The following ACSL1 variants were observed in gnomAD, a reference collection of about 807,000 sequenced individuals.
The protein encoded by ACSL1 is acyl-CoA synthetase long chain family member 1.
Under a neutral mutation model 98.4 loss-of-function variants are expected in ACSL1, and 41 were observed. The observed-to-expected ratio is 0.42, with a 90% CI of 0.32 to 0.54. ACSL1 has a LOEUF of 0.54. Ranked by LOEUF, ACSL1 falls within the 20% of genes least tolerant of loss-of-function variation. ACSL1 has a pLI of 0.13. For missense variants in ACSL1, 734 were observed against 883.1 expected (o/e 0.83, Z 2.14); for synonymous variants, 316 against 322.7 (o/e 0.98, Z 0.22).
chr4:184,791,384 G>A (rs1029474867), intron 2 of ACSL1, among the ~76,000 whole-genome samples: 5 of 152,200 alleles, frequency 3.3e-5, no homozygotes, highest in Admixed American at 1.3e-4. Flanking sequence ...ACAGAAGCAA[G>A]CCTGAAATCT....
chr4:184,781,001 G>A lies in ACSL1; in HGVS notation c.376-568C>T, dbSNP rs1766153135. ...CGCCTATAATCCCAGCACTTTGGGAGGCCGAGGCAGGCAGATCACTTGAGG... is the reference window on the plus strand; with the variant it reads ...CGCCTATAATCCCAGCACTTTGGGAAGCCGAGGCAGGCAGATCACTTGAGG... On this transcript the variant is annotated intron_variant, in intron 4 of 20. Coordinates refer to ENST00000281455, the MANE Select transcript of ACSL1 (RefSeq NM_001995.5). Among the ~76,000 whole-genome samples the A allele has an allele frequency of 2.1e-5, 3 of 140,592 alleles. No homozygotes were observed. The South Asian group carries it at 6.6e-4, about 31-fold the overall frequency. 92.2% of individuals were successfully genotyped at this position (140,592 alleles called of 152,430 possible). A position where few individuals can be genotyped will look rare whatever the true frequency, so the allele number is the denominator to read the frequency against.
intron 2 of ACSL1, among the ~76,000 whole-genome samples, chr4:184,796,193 C>T (rs1769331003): frequency 6.6e-6 from 1 of 152,196 alleles, no homozygotes; most frequent in East Asian, 1.9e-4. Context: ...CATCTTTCTC[C>T]CGTGCTGGAT....
intron 5 of ACSL1, among the ~76,000 whole-genome samples, chr4:184,778,316 G>A (rs966736973): frequency 6.6e-6 from 1 of 152,228 alleles, no homozygotes; most frequent in Admixed American, 6.5e-5. Flanking sequence ...CACTTGGCCT[G>A]GAACTAGGCT....
intron 7 of ACSL1, among the ~76,000 whole-genome samples, chr4:184,775,920 C>T (rs1218857223): frequency 2.0e-5 from 3 of 152,204 alleles, no homozygotes; most frequent in Admixed American, 2.0e-4. Context: ...TATCATCTGA[C>T]ATCAAGCACC....
At chr4:184,792,431 A>G (rs1305737658) in intron 2 of ACSL1, among the ~76,000 whole-genome samples, 1 of 151,462 alleles carries the variant, frequency 6.6e-6, no homozygotes, top group Non-Finnish European at 1.5e-5. Context: ...ACACATTCTA[A>G]TAATGAATTA....
intron 12 of ACSL1, among the ~76,000 whole-genome samples, chr4:184,767,283 C>CAAA (rs59005386): frequency 3.1e-5 from 3 of 95,580 alleles, no homozygotes; most frequent in Non-Finnish European, 6.1e-5. Context: ...GACCCTGTCT[C>CAAA]AAAAAAAAAA....
At chr4:184,794,096 A>T (rs1186741314) in intron 2 of ACSL1, among the ~76,000 whole-genome samples, 2 of 152,252 alleles carry the variant, frequency 1.3e-5, no homozygotes, top group Non-Finnish European at 2.9e-5. Flanking sequence ...ATTTCCATGG[A>T]ATATTTTTAA....
chr4:184,815,190 G>A (rs1026701875), intron 1 of ACSL1: 1 of 443,004 alleles, frequency 2.3e-6, no homozygotes, highest in Non-Finnish European at 4.6e-6. Flanking sequence ...AGAGCTGAGG[G>A]TGGAACCAGG....
At chr4:184,767,783 T>G (rs1276508780) in intron 12 of ACSL1, among the ~76,000 whole-genome samples, 1 of 152,238 alleles carries the variant, frequency 6.6e-6, no homozygotes, top group African/African-American at 2.4e-5. Context: ...CCCTCGCGCC[T>G]GGCCCTGGCT....
intron 4 of ACSL1, 48 bp downstream of exon 4, chr4:184,783,879 C>T (rs1283110260): frequency 1.3e-6 from 2 of 1,536,636 alleles, no homozygotes; most frequent in African/African-American, 1.4e-5. Context: ...TACAGAAGCA[C>T]CCCTGCTTGC....
At position 184,825,876 on chromosome 4, in the gene ACSL1, C is replaced by T. The variant is rs1773446581; in HGVS notation, c.-33+40G>A. 6.7e-6 allele frequency: 1 copy of T among 148,626 alleles called. No individual in the cohort carries two copies. The highest frequency in any genetic ancestry group is 1.5e-5 in the Non-Finnish European group (1 of 66,586). The allele number at this position is 148,626 out of a possible 1,614,324, so 9.2% of individuals were successfully genotyped here. ...GCCTCGGCCGGGGCCCGGGCACCGC[C>T]GCGGGAGCAGGCGCGGCTCCGCACG... On this transcript the variant is annotated intron_variant, in intron 1 of 20. Transcript: ENST00000281455. This position sits in a 1 kb window ranked among gnomAD's most constrained non-coding sequence, Gnocchi z 4.7.
chr4:184,784,438 T>C (rs972694218), intron 3 of ACSL1, among the ~76,000 whole-genome samples: 2 of 152,216 alleles, frequency 1.3e-5, no homozygotes, highest in African/African-American at 4.8e-5. Context: ...TAATTCTTTA[T>C]GTGTCCAAAT....
intron 2 of ACSL1, among the ~76,000 whole-genome samples, chr4:184,792,333 A>T (rs1768526936): frequency 6.6e-6 from 1 of 152,234 alleles, no homozygotes; most frequent in Non-Finnish European, 1.5e-5. Context: ...ACATAACTGT[A>T]ATTTCAAGAA....
chr4:184,769,539 C>G (rs1257896068), intron 11 of ACSL1, among the ~76,000 whole-genome samples: 1 of 152,214 alleles, frequency 6.6e-6, no homozygotes, highest in African/African-American at 2.4e-5. Flanking sequence ...TCGTTAGGTA[C>G]AGCAACTCAT....
At chr4:184,818,518 C>G (rs1772809257) in intron 1 of ACSL1, among the ~76,000 whole-genome samples, 1 of 152,158 alleles carries the variant, frequency 6.6e-6, no homozygotes, top group South Asian at 2.1e-4. Flanking sequence ...AATAGACAAA[C>G]CTGGAACATT....
intron 7 of ACSL1, among the ~76,000 whole-genome samples, chr4:184,775,302 AAT>A (rs1489650654): frequency 6.6e-6 from 1 of 152,082 alleles, no homozygotes; most frequent in East Asian, 1.9e-4. Context: ...TCTATAAATT[AAT>A]ATTTTAATAT....
At chr4:184,808,545 C>T (rs2150467011) in intron 1 of ACSL1, 1 of 973,088 alleles carries the variant, frequency 1.0e-6, no homozygotes, top group Non-Finnish European at 1.2e-6. Context: ...ATTCCGTGCC[C>T]CGCCTCCTCC....
At chr4:184,780,893 C>A (rs1477736160) in intron 4 of ACSL1, among the ~76,000 whole-genome samples, 2 of 152,110 alleles carry the variant, frequency 1.3e-5, no homozygotes, top group African/African-American at 4.8e-5. Flanking sequence ...CAGTTCCATT[C>A]TTGAGAACGT....
chr4:184,765,074 T>C (rs1006198611), intron 14 of ACSL1, 149 bp from the exon 15 acceptor site: 1 of 769,404 alleles, frequency 1.3e-6, no homozygotes, highest in Non-Finnish European at 2.1e-6. Flanking sequence ...GTTCATTCAA[T>C]GGTCCAGTGT....
Sources: allele counts gnomAD v4.1 joint callset (sites outside exome capture counted in the v4.1 genomes callset), GRCh38; gene constraint gnomAD v4.1.1; non-coding constraint Gnocchi (gnomAD v3.1); transcripts MANE v1.5; gene names NCBI Gene and HGNC (gene_info 2026-07-23, HGNC 2026-07-21).